The following OLAH variants were observed in gnomAD, a reference collection of about 807,000 sequenced individuals.
OLAH encodes S-acyl fatty acid synthase thioesterase, medium chain.
In OLAH, 33 loss-of-function variants were observed where a neutral mutation model predicts 27.8. That is an observed-to-expected ratio of 1.19 (90% CI 0.90 to 1.59). The LOEUF is 1.59. OLAH is among the 40% of genes most tolerant of loss of function. OLAH has a pLI of 0.00. For synonymous variants in OLAH, 120 were observed against 102.9 expected (o/e 1.17, Z -1.01); for missense variants, 359 against 310.8 (o/e 1.16, Z -1.17).
chr10:15,052,175 C>T (rs988623575), intron 3 of OLAH, among the ~76,000 whole-genome samples: 2 of 152,022 alleles, frequency 1.3e-5, no homozygotes, highest in Non-Finnish European at 1.5e-5. Flanking sequence ...CCCAGCTACT[C>T]GGGAGGCTGA....
rs1378396574 is a variant in OLAH, at chr10:15,064,457, A to G, written c.357A>G (p.Gln119=). The G allele has an allele frequency of 5.6e-6, 9 of 1,596,704 alleles. No homozygotes were observed. Among genetic ancestry groups the G allele is most frequent in the Non-Finnish European group, 7.7e-6 (9 of 1,174,330 alleles). The change falls in exon 5 of 8, where the codon CAA becomes CAG. Residue 119 remains glutamine, a synonymous_variant. Coordinates refer to ENST00000378228, the MANE Select transcript of OLAH (RefSeq NM_001039702.3). ...RTALGLKENN[Q]PEPLHLFLSS... The stretch of plus-strand genomic sequence containing the variant: ...CACTAGGTCTAAAAGAAAACAATCA[A>G]CCAGAACCATTGCATTTATTTTTGT...
At chr10:15,040,194 C>T (rs1435834302), upstream of OLAH, among the ~76,000 whole-genome samples, 1 of 152,124 alleles carries the variant, frequency 6.6e-6, no homozygotes, top group Non-Finnish European at 1.5e-5. Flanking sequence ...CAGTCATAAT[C>T]CCATTACACC....
At chr10:15,047,510 C>G in intron 2 of OLAH, 190 bp downstream of exon 2, 1 of 586,840 alleles carries the variant, frequency 1.7e-6, no homozygotes, top group Non-Finnish European at 3.1e-6. Context: ...GCCTGGCCGA[C>G]ATGGCAAAAC....
chr10:15,062,847 T>G (rs1844395550), intron 4 of OLAH, among the ~76,000 whole-genome samples: 1 of 151,712 alleles, frequency 6.6e-6, no homozygotes, highest in Non-Finnish European at 1.5e-5. Context: ...CAAGCAATCC[T>G]CCCACCTTAG....
At chr10:15,044,899 T>C (rs1843986014) in intron 1 of OLAH, among the ~76,000 whole-genome samples, 1 of 152,234 alleles carries the variant, frequency 6.6e-6, no homozygotes, top group Non-Finnish European at 1.5e-5. Context: ...ATTGCTTTTT[T>C]TGTAATCTAT....
Position 15,047,272 on chromosome 10 carries a change from C to T in OLAH, c.-17C>T. On this transcript the variant is annotated 5_prime_UTR_variant, in exon 2 of 8. Transcript: ENST00000378228. ...CACGCCACAGAGACCAGCCATCTTGCAACCTCACCTCACAGCATGGAGAGA... is the reference window on the plus strand; with the variant it reads ...CACGCCACAGAGACCAGCCATCTTGTAACCTCACCTCACAGCATGGAGAGA... 6.2e-7 allele frequency: 1 copy of T among 1,613,094 alleles called. No homozygotes were observed. The highest frequency in any genetic ancestry group is 8.5e-7 in the Non-Finnish European group (1 of 1,179,518).
intron 3 of OLAH, among the ~76,000 whole-genome samples, chr10:15,052,289 AT>A (rs1321564271): frequency 3.7e-4 from 56 of 152,322 alleles, no homozygotes; most frequent in African/African-American, 1.3e-3. Flanking sequence ...CCTAAAAAAA[AT>A]AAATAAAAAC....
chr10:15,070,754 T>A (rs573647155), intron 6 of OLAH, among the ~76,000 whole-genome samples: 1 of 151,232 alleles, frequency 6.6e-6, no homozygotes, highest in Non-Finnish European at 1.5e-5. Flanking sequence ...GTGCTGGGAT[T>A]ACAGGCGTAA....
chr10:15,045,056 C>G (rs924225364), intron 1 of OLAH, among the ~76,000 whole-genome samples: 14 of 152,146 alleles, frequency 9.2e-5, no homozygotes, highest in African/African-American at 3.4e-4. Context: ...ATGAAAGCAT[C>G]TAGAGGTTTC....
At chr10:15,033,378 C>T (rs1159495764) in intron 1 of OLAH, among the ~76,000 whole-genome samples, 1 of 151,868 alleles carries the variant, frequency 6.6e-6, no homozygotes, top group Admixed American at 6.6e-5. Context: ...AAGATCATTT[C>T]CTTTCTTATC....
intron 4 of OLAH, among the ~76,000 whole-genome samples, chr10:15,062,581 A>G (rs1844388767): frequency 1.3e-5 from 2 of 150,574 alleles, no homozygotes; most frequent in Non-Finnish European, 3.0e-5. Context: ...TAATATTTAT[A>G]TTATAGTAAT....
At chr10:15,041,279 TA>T (rs1243324114), upstream of OLAH, among the ~76,000 whole-genome samples, 36 of 72,012 alleles carry the variant, frequency 5.0e-4, no homozygotes, top group East Asian at 5.0e-3. Flanking sequence ...TTTTTATTTT[TA>T]TTTTTATTTT....
intron 3 of OLAH, among the ~76,000 whole-genome samples, chr10:15,058,987 CT>C (rs1844303628): frequency 8.8e-6 from 1 of 113,898 alleles, no homozygotes; most frequent in Non-Finnish European, 1.9e-5. Context: ...CTCCTTCCCT[CT>C]CTCCTTCCCT....
chr10:15,067,371 A>G (rs1386527121), intron 6 of OLAH, among the ~76,000 whole-genome samples: 1 of 115,614 alleles, frequency 8.6e-6, no homozygotes. Flanking sequence ...TCATCTCATC[A>G]AAGAAGGGAT....
At position 15,049,759 on chromosome 10, in the gene OLAH, C is replaced by G. The variant is rs1225940392; in HGVS notation, c.157C>G (p.Leu53Val). 1.2e-6 allele frequency: 2 copies of G among 1,602,830 alleles called. No individual in the cohort carries two copies. Among genetic ancestry groups the G allele is most frequent in the South Asian group, 2.3e-5 (2 of 88,012 alleles). The change falls in exon 3 of 8, where the codon CTG becomes GTG. Residue 53 changes from leucine to valine, a missense_variant. Physicochemically the swap from Leu to Val is conservative, Grantham distance 32. Coordinates refer to ENST00000378228, the MANE Select transcript of OLAH (RefSeq NM_001039702.3). Reference sequence around the variant, plus strand: ...ATGGGGCCAAGATACTCATGATTTGCTGGAAGGTATGTTAATTTTTAACAT... The same window carrying G: ...ATGGGGCCAAGATACTCATGATTTGGTGGAAGGTATGTTAATTTTTAACAT... ...AKWGQDTHDL[L>V]EVHSLRLPGR...
At chr10:15,067,144 A>G (rs1407898114) in intron 6 of OLAH, among the ~76,000 whole-genome samples, 2 of 152,234 alleles carry the variant, frequency 1.3e-5, no homozygotes, top group East Asian at 1.9e-4. Context: ...AATTTATACA[A>G]TTGTTATTTG....
chr10:15,056,984 T>G (rs199928499), intron 3 of OLAH: 360 of 1,421,048 alleles, frequency 2.5e-4, no homozygotes, highest in Non-Finnish European at 3.1e-4. Flanking sequence ...TTTTTTTTAG[T>G]AGGTTTTTTG....
intron 3 of OLAH, among the ~76,000 whole-genome samples, chr10:15,055,720 C>T (rs183266618): frequency 1.2e-4 from 19 of 152,214 alleles, no homozygotes; most frequent in East Asian, 7.7e-4. Flanking sequence ...TAAACTTAAC[C>T]GTGTCCACTG....
intron 1 of OLAH, among the ~76,000 whole-genome samples, chr10:15,045,714 C>T (rs12217746): frequency 0.12 from 17,576 of 152,186 alleles, 1,263 homozygotes; most frequent in East Asian, 0.31. Context: ...CACAACTGAG[C>T]TTGACAAGTT....
Sources: gnomAD v4.1 joint callset for allele counts (sites outside exome capture counted in the v4.1 genomes callset) on GRCh38, gnomAD v4.1.1 for gene constraint, MANE v1.5 for transcripts, NCBI Gene and HGNC (gene_info 2026-07-23, HGNC 2026-07-21) for gene names.